Variants in CLEC19A observed in about 807,000 individuals in gnomAD.
CLEC19A encodes C-type lectin domain family 19 member A.
A neutral mutation model predicts 26.1 loss-of-function variants in CLEC19A; 21 were observed. The observed-to-expected ratio is 0.80, with a 90% CI of 0.57 to 1.16. The LOEUF (loss-of-function observed/expected upper bound fraction) is 1.16, where lower values mean the gene tolerates loss of function less well. Among genes scored for constraint, CLEC19A ranks in the 50% most tolerant of loss-of-function variants. The pLI is 0.00. For synonymous variants in CLEC19A, 89 were observed against 88.6 expected, an observed-to-expected ratio of 1.00 and a Z score of -0.03; for missense variants, 224 against 227.6, an observed-to-expected ratio of 0.98 and a Z score of 0.10.
intron 1 of CLEC19A, 127 bp from the exon 2 acceptor site, chr16:19,298,546 A>G (rs1220963326): frequency 1.0e-6 from 1 of 989,042 alleles, no homozygotes; most frequent in African/African-American, 1.6e-5. Flanking sequence ...AGCCTGGGCA[A>G]CAGAACGAGA....
At chr16:19,308,680 C>T (rs1305801562) in intron 4 of CLEC19A, among the ~76,000 whole-genome samples, 1 of 152,182 alleles carries the variant, frequency 6.6e-6, no homozygotes, top group East Asian at 1.9e-4. Context: ...TTGTTATTCC[C>T]TCTTTGCTCT....
At chr16:19,300,384 A>C (rs1428594284) in intron 2 of CLEC19A, among the ~76,000 whole-genome samples, 1 of 151,670 alleles carries the variant, frequency 6.6e-6, no homozygotes, top group Non-Finnish European at 1.5e-5. Flanking sequence ...CCCCATTGCT[A>C]CAAAAAACAA....
intron 1 of CLEC19A, among the ~76,000 whole-genome samples, chr16:19,297,396 A>T (rs1897727137): frequency 6.6e-6 from 1 of 152,206 alleles, no homozygotes; most frequent in Non-Finnish European, 1.5e-5. Flanking sequence ...GCAAAGTGAG[A>T]TGGGCACTCT....
Position 19,304,085 on chromosome 16 carries a change from A to G in CLEC19A, c.278A>G (p.Tyr93Cys). The G allele has an allele frequency of 6.4e-7, 1 of 1,550,504 alleles. No individual in the cohort carries two copies. Among genetic ancestry groups the G allele is most frequent in the Non-Finnish European group, 8.7e-7 (1 of 1,146,930 alleles). The change falls in exon 3 of 5, where the codon TAT becomes TGT. Residue 93 changes from tyrosine (Y) to cysteine (C), a missense_variant. Physicochemically the swap from Tyr to Cys is radical, Grantham distance 194 (BLOSUM62 -2). Coordinates refer to ENST00000636231, the MANE Select transcript of CLEC19A (RefSeq NM_001256720.2). ...IHSWEENVFVYDLVNSCVPGI... is the reference protein window; with the variant it reads ...IHSWEENVFVCDLVNSCVPGI... The stretch of plus-strand genomic sequence containing the variant: ...AGCTGGGAGGAGAATGTCTTTGTAT[A>G]TGACCTCGTGAACAGCTGTGTTCCC...
chr16:19,299,091 C>T (rs1897764171), intron 2 of CLEC19A, among the ~76,000 whole-genome samples: 1 of 152,128 alleles, frequency 6.6e-6, no homozygotes, highest in African/African-American at 2.4e-5. Flanking sequence ...ACTTTTTATC[C>T]AACCCAATTT....
intron 1 of CLEC19A, among the ~76,000 whole-genome samples, chr16:19,289,255 A>C (rs909192678): frequency 6.6e-6 from 1 of 152,156 alleles, no homozygotes; most frequent in African/African-American, 2.4e-5. Context: ...CAGAGCAAGC[A>C]CTTTGTACAT....
chr16:19,307,408 A>G, intron 3 of CLEC19A, 137 bp from the exon 4 acceptor site: 2 of 880,494 alleles, frequency 2.3e-6, no homozygotes, highest in Non-Finnish European at 3.4e-6. Flanking sequence ...GCCAGATAGC[A>G]GTAGCCTCAA....
chr16:19,295,907 T>A (rs1384116231), intron 1 of CLEC19A, among the ~76,000 whole-genome samples: 1 of 152,140 alleles, frequency 6.6e-6, no homozygotes, highest in East Asian at 1.9e-4. Context: ...CCATCAACTC[T>A]CTTGGCCATT....
chr16:19,299,667 A>G (rs565300074), intron 2 of CLEC19A, among the ~76,000 whole-genome samples: 2 of 152,174 alleles, frequency 1.3e-5, no homozygotes, highest in South Asian at 2.1e-4. Context: ...CTCTGACAAC[A>G]TCTCTTCACT....
rs540069619 is a variant in CLEC19A, at chr16:19,299,585, T to C, written c.254+747T>C. ...TTTACTTCTCCATACTCTTGGGCAT[T>C]ATATTCCCCCTGCTGGGAATTCCAT... On this transcript the variant is annotated intron_variant, in intron 2 of 4. Transcript: ENST00000636231. 3.9e-4 allele frequency among the ~76,000 whole-genome samples: 59 copies of C among 152,342 alleles called. No individual in the cohort carries two copies. The South Asian group carries it at 0.012, about 31-fold the overall frequency.
intron 1 of CLEC19A, among the ~76,000 whole-genome samples, chr16:19,296,727 T>A (rs1897713090): frequency 6.6e-6 from 1 of 152,202 alleles, no homozygotes; most frequent in African/African-American, 2.4e-5. Flanking sequence ...ACAGGGAAAC[T>A]ATAACAAATG....
intron 1 of CLEC19A, among the ~76,000 whole-genome samples, chr16:19,292,665 C>T (rs112961278): frequency 3.3e-3 from 506 of 152,286 alleles, no homozygotes; most frequent in African/African-American, 0.012. Context: ...GTGCAAGGGG[C>T]TCTAAAAGCA....
In CLEC19A at chr16:19,302,630, G is replaced by C. The variant is rs533295454; in HGVS notation, c.255-1432G>C. Among the ~76,000 whole-genome samples, 8 of 152,308 alleles carry C rather than the reference G, an allele frequency of 5.3e-5. No individual in the cohort carries two copies. In the South Asian group the frequency reaches 1.7e-3, roughly 32 times the overall value. On this transcript the variant is annotated intron_variant, in intron 2 of 4. Coordinates refer to ENST00000636231, the MANE Select transcript of CLEC19A (RefSeq NM_001256720.2). ...AGTGCCATGTGGAAGCCAATAGTGGGAATCATTTTTTTCAGTGGGATCTGT... is the reference window on the plus strand; with the variant it reads ...AGTGCCATGTGGAAGCCAATAGTGGCAATCATTTTTTTCAGTGGGATCTGT...
intron 1 of CLEC19A, among the ~76,000 whole-genome samples, chr16:19,293,956 T>C (rs1184484768): frequency 6.6e-6 from 1 of 152,172 alleles, no homozygotes; most frequent in Non-Finnish European, 1.5e-5. Flanking sequence ...AAAGTATTGT[T>C]GACTGTAGTC....
At chr16:19,289,608 A>C (rs1242837551) in intron 1 of CLEC19A, among the ~76,000 whole-genome samples, 1 of 152,176 alleles carries the variant, frequency 6.6e-6, no homozygotes. Context: ...TAAAATGGGG[A>C]TGATACGGAT....
intron 1 of CLEC19A, among the ~76,000 whole-genome samples, chr16:19,288,527 G>A (rs142336226): frequency 1.2e-4 from 18 of 152,070 alleles, no homozygotes; most frequent in East Asian, 5.8e-4. Context: ...GCAAATATAC[G>A]CAAATAGCAC....
At chr16:19,301,124 T>C (rs1897810053) in intron 2 of CLEC19A, among the ~76,000 whole-genome samples, 1 of 152,192 alleles carries the variant, frequency 6.6e-6, no homozygotes, top group African/African-American at 2.4e-5. Context: ...ATGAGATATA[T>C]TCAATAAAAA....
chr16:19,305,825 G>T (rs921483611), intron 3 of CLEC19A, among the ~76,000 whole-genome samples: 16 of 151,842 alleles, frequency 1.1e-4, no homozygotes, highest in South Asian at 2.1e-4. Flanking sequence ...AGTTTTTTTG[G>T]GTTTTTTTGC....
intron 2 of CLEC19A, among the ~76,000 whole-genome samples, chr16:19,300,256 A>C (rs1420771454): frequency 6.6e-6 from 1 of 150,788 alleles, no homozygotes; most frequent in Non-Finnish European, 1.5e-5. Flanking sequence ...AAATAATAAA[A>C]AAAAGAAAGG....
Sources: gnomAD v4.1 joint callset for allele counts (sites outside exome capture counted in the v4.1 genomes callset) on GRCh38, gnomAD v4.1.1 for gene constraint, MANE v1.5 for transcripts, NCBI Gene and HGNC (gene_info 2026-07-23, HGNC 2026-07-21) for gene names.